Variants in CPB2 observed in about 807,000 individuals in gnomAD.
CPB2 encodes the protein carboxypeptidase B-like protein.
A neutral mutation model predicts 57.0 loss-of-function variants in CPB2; 54 were observed. That is an observed-to-expected ratio of 0.95 (90% CI 0.76 to 1.19). The LOEUF is 1.19. Ranked by LOEUF, CPB2 falls within the 50% of genes most tolerant of loss-of-function variation. CPB2 has a pLI of 0.00. For synonymous variants in CPB2, 189 were observed against 178.1 expected, an observed-to-expected ratio of 1.06 and a Z score of -0.49; for missense variants, 426 against 512.0, an observed-to-expected ratio of 0.83 and a Z score of 1.62.
intron 1 of CPB2, among the ~76,000 whole-genome samples, chr13:46,095,753 T>C (rs2139420052): frequency 1.3e-5 from 2 of 152,250 alleles, no homozygotes; most frequent in South Asian, 4.2e-4. Context: ...GTCCCTGTGT[T>C]AGTGCTAATA....
chr13:46,058,220 A>G lies in CPB2; in HGVS notation c.958T>C (p.Tyr320His). ...HSYSQHIVFP[Y>H]SYTRSKSKDH... ...TTGCTTTTACTTCGTGTATAGGAAT[A>G]TGGAAACACTATATGCTGGGAGTAT... Residue 320 changes from tyrosine (Y) to histidine (H), a missense_variant, in exon 9 of 11, where the codon TAT (tyrosine) becomes CAT (histidine). Physicochemically the swap from Tyr to His is moderately conservative, Grantham distance 83. Coordinates refer to ENST00000181383, the MANE Select transcript of CPB2 (RefSeq NM_001872.5). 6.2e-7 allele frequency: 1 copy of G among 1,614,062 alleles called. No homozygotes were observed. The highest frequency in any genetic ancestry group is 8.5e-7 in the Non-Finnish European group (1 of 1,179,918).
intron 6 of CPB2, among the ~76,000 whole-genome samples, chr13:46,068,973 C>T (rs1244406089): frequency 6.6e-6 from 1 of 152,122 alleles, no homozygotes; most frequent in Non-Finnish European, 1.5e-5. Context: ...AGAGCCTGTT[C>T]CTTTTAAAAT....
rs5803326 is a variant in CPB2, at chr13:46,062,025, G to GTTTT, written c.796+2619_796+2622dup. Among the ~76,000 whole-genome samples the GTTTT allele has an allele frequency of 3.8e-3, 468 of 124,462 alleles. 3 individuals are homozygous for GTTTT. The highest frequency in any genetic ancestry group is 8.3e-3 in the Admixed American group (102 of 12,308). 81.7% of individuals were successfully genotyped at this position (124,462 alleles called of 152,430 possible). A position where few individuals can be genotyped will look rare whatever the true frequency, so the allele number is the denominator to read the frequency against. On this transcript the variant is annotated intron_variant, in intron 8 of 10. Transcript: ENST00000181383. ...GTTCCTTACAATTACTTTTTATTTG[G>GTTTT]TTTTTTTTTTTTTTTTTTTAGTTAA...
At chr13:46,094,297 G>A (rs1156254997) in intron 1 of CPB2, among the ~76,000 whole-genome samples, 1 of 152,116 alleles carries the variant, frequency 6.6e-6, no homozygotes, top group African/African-American at 2.4e-5. Context: ...CTTTCTCCAA[G>A]CTTCCAAAAA....
chr13:46,086,844 AG>A (rs1263706203), intron 2 of CPB2, among the ~76,000 whole-genome samples: 1 of 152,202 alleles, frequency 6.6e-6, no homozygotes, highest in Non-Finnish European at 1.5e-5. Flanking sequence ...GAGGGGGCTG[AG>A]GCAGCAGGGG....
At chr13:46,084,914 G>A (rs1286224886) in intron 2 of CPB2, among the ~76,000 whole-genome samples, 1 of 150,990 alleles carries the variant, frequency 6.6e-6, no homozygotes, top group Non-Finnish European at 1.5e-5. Context: ...GCAGTGGCGC[G>A]ATCTTGGCTC....
intron 5 of CPB2, among the ~76,000 whole-genome samples, chr13:46,074,267 T>G (rs2044987642): frequency 6.6e-6 from 1 of 152,138 alleles, no homozygotes. Flanking sequence ...GAGCTGCATG[T>G]GGAAGTTTCA....
chr13:46,063,790 C>T (rs890691899), intron 8 of CPB2, among the ~76,000 whole-genome samples: 52 of 152,088 alleles, frequency 3.4e-4, no homozygotes, highest in Non-Finnish European at 1.8e-4. Flanking sequence ...TCAACATCAT[C>T]GAATGCCTTA....
chr13:46,074,786 G>C (rs1056229517), intron 5 of CPB2, among the ~76,000 whole-genome samples: 1 of 152,134 alleles, frequency 6.6e-6, no homozygotes, highest in Non-Finnish European at 1.5e-5. Context: ...TCAGTGGTGG[G>C]GATGGTTTGG....
At chr13:46,082,790 C>T (rs998465889) in intron 3 of CPB2, among the ~76,000 whole-genome samples, 1 of 152,146 alleles carries the variant, frequency 6.6e-6, no homozygotes, top group African/African-American at 2.4e-5. Context: ...CTTTCAGGAC[C>T]TCCATAAAAA....
chr13:46,091,830 A>C (rs2045297034), intron 1 of CPB2, among the ~76,000 whole-genome samples: 1 of 152,248 alleles, frequency 6.6e-6, no homozygotes, highest in Admixed American at 6.5e-5. Context: ...ATTTCTTAGC[A>C]AATGTCCTCA....
intron 9 of CPB2, among the ~76,000 whole-genome samples, chr13:46,057,115 G>C (rs188883227): frequency 6.6e-6 from 1 of 151,218 alleles, no homozygotes; most frequent in Non-Finnish European, 1.5e-5. Flanking sequence ...TATTTTACAC[G>C]TAATGGCTCT....
At chr13:46,065,819 A>G (rs1296567278) in intron 7 of CPB2, among the ~76,000 whole-genome samples, 3 of 152,036 alleles carry the variant, frequency 2.0e-5, no homozygotes, top group African/African-American at 7.2e-5. Flanking sequence ...TGTGGGAATT[A>G]ATAATAGGGT....
At position 46,078,901 on chromosome 13, in the gene CPB2, T is replaced by C. The variant is rs747514704; in HGVS notation, c.385A>G (p.Ile129Val). Residue 129 changes from isoleucine (I) to valine (V), a missense_variant and splice_region_variant, in exon 5 of 11, where the codon ATC becomes GTC. Ile to Val is a conservative substitution (Grantham distance 29). Coordinates refer to ENST00000181383, the MANE Select transcript of CPB2 (RefSeq NM_001872.5). Reference sequence around the variant, plus strand: ...GTTATAAATTCTATCCAAGAATAGATCTAGCAAAATGGAAACCAGAGGTTA... The same window carrying C: ...GTTATAAATTCTATCCAAGAATAGACCTAGCAAAATGGAAACCAGAGGTTA... ...YYEQYHSLNEIYSWIEFITER... is the reference protein window; with the variant it reads ...YYEQYHSLNEVYSWIEFITER... The C allele has an allele frequency of 8.8e-6, 14 of 1,590,262 alleles. No individual in the cohort carries two copies. The highest frequency in any genetic ancestry group is 1.0e-5 in the Non-Finnish European group (12 of 1,159,306).
chr13:46,054,266 A>C (rs2044652877), intron 10 of CPB2, among the ~76,000 whole-genome samples: 1 of 152,122 alleles, frequency 6.6e-6, no homozygotes, highest in Admixed American at 6.5e-5. Context: ...TTTCCTATCA[A>C]TTGTCCTTCC....
rs1355044652 is a variant in CPB2, at chr13:46,104,916, C to CT, written c.74+19dup. ...AGTGAGGAGAGTGGCCCACCACAGT[C>CT]TAAGATTCTATTGGGTTACCTCTGA... On this transcript the variant is annotated intron_variant, in intron 1 of 10. Transcript: ENST00000181383. 8 of 1,613,786 alleles carry CT rather than the reference C, an allele frequency of 5.0e-6. No homozygotes were observed. In the Admixed American group the frequency reaches 5.0e-5, roughly 10 times the overall value.
chr13:46,081,407 A>C (rs961703522), intron 4 of CPB2, among the ~76,000 whole-genome samples: 8 of 152,082 alleles, frequency 5.3e-5, no homozygotes, highest in Non-Finnish European at 1.2e-4. Flanking sequence ...CTCTGCATCA[A>C]GTTTGCTCAT....
chr13:46,089,685 C>A (rs1319392588), intron 1 of CPB2, among the ~76,000 whole-genome samples: 1 of 152,088 alleles, frequency 6.6e-6, no homozygotes, highest in Non-Finnish European at 1.5e-5. Context: ...AGGGGAGAGG[C>A]TTCATGAATG....
chr13:46,058,443 T>C, intron 8 of CPB2, 62 bp from the exon 9 acceptor site: 2 of 1,455,140 alleles, frequency 1.4e-6, no homozygotes, highest in Non-Finnish European at 1.9e-6. Flanking sequence ...AATTTGTGGT[T>C]TCCCAGACAA....
Sources: allele counts gnomAD v4.1 joint callset (sites outside exome capture counted in the v4.1 genomes callset), GRCh38; gene constraint gnomAD v4.1.1; transcripts MANE v1.5; gene names NCBI Gene and HGNC (gene_info 2026-07-23, HGNC 2026-07-21).